Variants in GDAP1 observed in about 807,000 individuals in gnomAD.
The protein encoded by GDAP1 is ganglioside induced differentiation associated protein 1, also known as ganglioside-induced differentiation-associated protein 1.
GDAP1 carries 34 observed loss-of-function variants against 40.1 expected under a neutral mutation model. That is an observed-to-expected ratio of 0.85 (90% CI 0.64 to 1.13). GDAP1 has a LOEUF of 1.13. GDAP1 is among the 50% of genes most tolerant of loss of function. The pLI, the probability that GDAP1 is intolerant of heterozygous loss-of-function variation, is 0.00. For synonymous variants in GDAP1, 170 were observed against 157.4 expected (o/e 1.08, Z -0.60); for missense variants, 374 against 433.7 (o/e 0.86, Z 1.22).
chr8:74,364,359 T>G lies in GDAP1; in HGVS notation c.1069T>G (p.Tyr357Asp). ...MILAFRPRPN[Y>D]F is the part of the protein sequence containing the mutation. Reference sequence around the variant, plus strand: ...ATTAGCATTTAGACCCAGACCAAATTATTTCTAGGTTTGTTGGGATCTTGT... The same window carrying G: ...ATTAGCATTTAGACCCAGACCAAATGATTTCTAGGTTTGTTGGGATCTTGT... Residue 357 changes from tyrosine (Y) to aspartate (D), a missense_variant, in exon 6 of 6, where the codon TAT becomes GAT. Transcript: ENST00000220822. The G allele has an allele frequency of 6.2e-7, 1 of 1,613,566 alleles. No homozygotes were observed. The highest frequency in any genetic ancestry group is 8.5e-7 in the Non-Finnish European group (1 of 1,179,976).
intron 2 of GDAP1, among the ~76,000 whole-genome samples, chr8:74,388,279 G>T (rs1810054779): frequency 6.6e-6 from 1 of 151,900 alleles, no homozygotes; most frequent in African/African-American, 2.4e-5. Flanking sequence ...TTAGGATGTT[G>T]ATTTTAGATC....
chr8:74,436,019 G>A (rs992964384), intron 2 of GDAP1, among the ~76,000 whole-genome samples: 26 of 152,240 alleles, frequency 1.7e-4, no homozygotes, highest in African/African-American at 6.3e-4. Flanking sequence ...CTGATTCCAG[G>A]GTGAAAACAC....
At chr8:74,481,350 T>C (rs921450698) in intron 2 of GDAP1, among the ~76,000 whole-genome samples, 1 of 152,238 alleles carries the variant, frequency 6.6e-6, no homozygotes. Flanking sequence ...GCTGCAGTAA[T>C]GGCATCTACA....
chr8:74,438,162 C>T (rs765509820), intron 2 of GDAP1, among the ~76,000 whole-genome samples: 50 of 152,064 alleles, frequency 3.3e-4, no homozygotes, highest in African/African-American at 6.0e-4. Context: ...CTCAGCTGCT[C>T]GGGAGGCTGA....
chr8:74,483,592 G>A lies in GDAP1; in HGVS notation c.166-5086G>A, dbSNP rs79507284. On this transcript the variant is annotated intron_variant, in intron 2 of 2. Coordinates refer to the GDAP1 transcript ENST00000523640. ...TTTTATAGGGTTATATACATTTAAA[G>A]CAGTGTCTTTAGTTATGTGTAAAGA... 6.3e-3 allele frequency among the ~76,000 whole-genome samples: 965 copies of A among 152,242 alleles called. 6 individuals carry two copies. Among genetic ancestry groups the A allele is most frequent in the African/African-American group, 0.022 (921 of 41,550 alleles).
chr8:74,359,811 G>T (rs754982712), intron 2 of GDAP1, among the ~76,000 whole-genome samples: 9 of 152,228 alleles, frequency 5.9e-5, no homozygotes, highest in Non-Finnish European at 1.3e-4. Flanking sequence ...GAAGGCACAT[G>T]TGAGCCAGTC....
At chr8:74,384,520 C>T (rs1225325051) in intron 2 of GDAP1, among the ~76,000 whole-genome samples, 1 of 152,168 alleles carries the variant, frequency 6.6e-6, no homozygotes, top group Non-Finnish European at 1.5e-5. Flanking sequence ...CATTCAGTCT[C>T]TTGTTTCTAA....
downstream of GDAP1, among the ~76,000 whole-genome samples, chr8:74,370,850 G>A (rs1809736716): frequency 1.3e-5 from 2 of 152,178 alleles, no homozygotes; most frequent in Admixed American, 1.3e-4. Flanking sequence ...CAGAAAAAGT[G>A]GAGTTTAAGA....
Position 74,408,301 on chromosome 8 carries a change from A to G in GDAP1, c.165+56980A>G, listed in dbSNP as rs181359072. 7.6e-4 allele frequency among the ~76,000 whole-genome samples: 115 copies of G among 150,352 alleles called. 17 individuals carry two copies. Among genetic ancestry groups the G allele is most frequent in the African/African-American group, 2.6e-3 (105 of 39,664 alleles). On this transcript the variant is annotated intron_variant, in intron 2 of 2. Transcript: ENST00000523640. ...ATGCATTCTCCATTGGAGATTGTCA[A>G]GTTCTCCCAGGGTATCTCCAAGTGG...
Position 74,391,157 on chromosome 8 carries a change from T to C in GDAP1, c.165+39836T>C, listed in dbSNP as rs78842451. 3.9e-3 allele frequency among the ~76,000 whole-genome samples: 600 copies of C among 152,150 alleles called. 31 individuals carry two copies. In the East Asian group the frequency reaches 0.11, roughly 27 times the overall value. ...TGCTGAGCCAGACCACTTAGCTTCCTGACTTCAGCCCGCTTTACAGGGTAG... is the reference window on the plus strand; with the variant it reads ...TGCTGAGCCAGACCACTTAGCTTCCCGACTTCAGCCCGCTTTACAGGGTAG... On this transcript the variant is annotated intron_variant, in intron 2 of 2. Coordinates refer to the GDAP1 transcript ENST00000523640.
At chr8:74,412,495 A>G (rs1020636084) in intron 2 of GDAP1, among the ~76,000 whole-genome samples, 1 of 150,284 alleles carries the variant, frequency 6.7e-6, no homozygotes, top group African/African-American at 2.5e-5. Context: ...TAGAAGCATC[A>G]AAAGAAAAAA....
chr8:74,433,268 G>A (rs376648011), intron 2 of GDAP1, among the ~76,000 whole-genome samples: 126 of 152,126 alleles, frequency 8.3e-4, no homozygotes, highest in South Asian at 2.3e-3. Context: ...TTAAATTGCC[G>A]TATTTACTGG....
At position 74,453,775 on chromosome 8, in the gene GDAP1, T is replaced by C. The variant is rs776079165; in HGVS notation, c.166-34903T>C. Among the ~76,000 whole-genome samples, 9 of 82,754 alleles carry C rather than the reference T, an allele frequency of 1.1e-4. 3 individuals are homozygous for C. Among genetic ancestry groups the C allele is most frequent in the Non-Finnish European group, 1.7e-4 (7 of 40,884 alleles). 54.3% of individuals were successfully genotyped at this position (82,754 alleles called of 152,430 possible). A position where few individuals can be genotyped will look rare whatever the true frequency, so the allele number is the denominator to read the frequency against. ...TATAGAATGAAAGTATTCCACTAGG[T>C]TAATGGAGCCTGATTTGTTTTTAAA... is the stretch of plus-strand genomic sequence containing the variant. On this transcript the variant is annotated intron_variant, in intron 2 of 2. Coordinates refer to the GDAP1 transcript ENST00000523640.
chr8:74,429,149 A>G (rs190681680), intron 2 of GDAP1, among the ~76,000 whole-genome samples: 87 of 152,124 alleles, frequency 5.7e-4, no homozygotes, highest in African/African-American at 2.0e-3. Context: ...AGTCTTTGCT[A>G]TTGTGAATAG....
chr8:74,469,537 G>A (rs868585576), intron 2 of GDAP1, among the ~76,000 whole-genome samples: 74 of 151,856 alleles, frequency 4.9e-4, no homozygotes, highest in African/African-American at 1.6e-3. Context: ...GCGCGGTGGC[G>A]GGCGCCTGTA....
chr8:74,438,967 C>A (rs1806126540), intron 2 of GDAP1, among the ~76,000 whole-genome samples: 3 of 151,866 alleles, frequency 2.0e-5, no homozygotes. Flanking sequence ...TATATACGTT[C>A]TTTAAACATG....
intron 2 of GDAP1, among the ~76,000 whole-genome samples, chr8:74,484,026 T>C (rs1251417219): frequency 6.6e-6 from 1 of 152,176 alleles, no homozygotes; most frequent in Non-Finnish European, 1.5e-5. Context: ...CCTTCTTTAT[T>C]GGAGGCAAGA....
intron 2 of GDAP1, among the ~76,000 whole-genome samples, chr8:74,414,111 A>G (rs1380168867): frequency 6.7e-6 from 1 of 150,294 alleles, no homozygotes; most frequent in Non-Finnish European, 1.5e-5. Flanking sequence ...TGGAAATGAC[A>G]TTAGAACCAC....
At chr8:74,374,335 C>T (rs535935766) in intron 2 of GDAP1, among the ~76,000 whole-genome samples, 4 of 152,196 alleles carry the variant, frequency 2.6e-5, no homozygotes, top group Non-Finnish European at 4.4e-5. Flanking sequence ...AGGAATGGTA[C>T]CAGCTCTTCC....
Sources: gnomAD v4.1 joint callset for allele counts (sites outside exome capture counted in the v4.1 genomes callset) on GRCh38, gnomAD v4.1.1 for gene constraint, MANE v1.5 for transcripts, NCBI Gene and HGNC (gene_info 2026-07-23, HGNC 2026-07-21) for gene names.